ESF1: variants seen among roughly 807,000 people sequenced by gnomAD.
ESF1 encodes the protein ESF1 nucleolar pre-rRNA processing protein.
In ESF1, 58 loss-of-function variants were observed where a neutral mutation model predicts 92.0. The ratio of observed to expected loss-of-function variants is 0.63; its 90% CI spans 0.51 to 0.78. The LOEUF (loss-of-function observed/expected upper bound fraction) is 0.78, where lower values mean the gene tolerates loss of function less well. ESF1 is among the 30% of genes least tolerant of loss of function. The pLI, the probability that ESF1 is intolerant of heterozygous loss-of-function variation, is 0.00. For synonymous variants in ESF1, 321 were observed against 313.7 expected (o/e 1.02, Z -0.24); for missense variants, 922 against 989.1 (o/e 0.93, Z 0.91).
chr20:13,769,181 T>A, intron 7 of ESF1, among the ~76,000 whole-genome samples: 1 of 152,138 alleles, frequency 6.6e-6, no homozygotes, highest in African/African-American at 2.4e-5. Flanking sequence ...TGTATTAGAG[T>A]GTATAGGAGA....
At chr20:13,754,870 AC>A (rs2147756324) in intron 9 of ESF1, among the ~76,000 whole-genome samples, 1 of 152,302 alleles carries the variant, frequency 6.6e-6, no homozygotes, top group East Asian at 1.9e-4. Context: ...GATCTCAGTT[AC>A]TTCTGTCCTC....
chr20:13,747,299 G>A (rs929549427), intron 9 of ESF1, among the ~76,000 whole-genome samples: 1 of 150,554 alleles, frequency 6.6e-6, no homozygotes, highest in African/African-American at 2.4e-5. Context: ...GGTGGCTTAT[G>A]TCTGTAATCC....
chr20:13,778,790 T>C (rs1420630169), intron 2 of ESF1, among the ~76,000 whole-genome samples: 2 of 152,168 alleles, frequency 1.3e-5, no homozygotes, highest in Admixed American at 1.3e-4. Flanking sequence ...CTCACGCCTG[T>C]AATCCCATCA....
rs115378863 is a variant in ESF1, at chr20:13,754,252, C to T, written c.1828+5440G>A. ...TGTATTTTATTGACCCATATTCTCACTGAAATGCCTTCTTTATTGGCAGGC... is the reference window on the plus strand; with the variant it reads ...TGTATTTTATTGACCCATATTCTCATTGAAATGCCTTCTTTATTGGCAGGC... On this transcript the variant is annotated intron_variant, in intron 9 of 13. Transcript: ENST00000617257. Among the ~76,000 whole-genome samples the T allele has an allele frequency of 3.7e-3, 571 of 152,278 alleles. 3 individuals carry two copies. The highest frequency in any genetic ancestry group is 0.013 in the African/African-American group (523 of 41,542).
At chr20:13,758,788 T>C (rs1366295089) in intron 9 of ESF1, among the ~76,000 whole-genome samples, 2 of 152,180 alleles carry the variant, frequency 1.3e-5, no homozygotes, top group Non-Finnish European at 2.9e-5. Flanking sequence ...AAAAACAGTA[T>C]TGACTGCAGA....
In ESF1 at chr20:13,728,281, T is replaced by C. The variant is rs2147727039; in HGVS notation, c.2038+97A>G. ...GTCACTAAGGGAGCTACACAAATAC[T>C]AGCAATTTTAAAAGAATGATTAGTT... is the stretch of plus-strand genomic sequence containing the variant. On this transcript the variant is annotated intron_variant, in intron 11 of 13. Transcript: ENST00000617257. 3 of 884,426 alleles carry C rather than the reference T, an allele frequency of 3.4e-6. 1 individual carries two copies. The South Asian group carries it at 5.3e-5, about 16-fold the overall frequency. The allele number at this position is 884,426 out of a possible 1,614,324, so 54.8% of individuals were successfully genotyped here.
chr20:13,761,531 C>T (rs917053561), intron 8 of ESF1, among the ~76,000 whole-genome samples: 2 of 151,696 alleles, frequency 1.3e-5, no homozygotes, highest in South Asian at 2.1e-4. Context: ...GGGATGAATT[C>T]GGTTTGCAGC....
At chr20:13,767,713 G>A (rs747252646) in intron 7 of ESF1, among the ~76,000 whole-genome samples, 3 of 152,184 alleles carry the variant, frequency 2.0e-5, no homozygotes, top group Non-Finnish European at 2.9e-5. Context: ...TTAGTTGGAA[G>A]TAGTTTAAAC....
At chr20:13,738,593 T>G (rs1395941726) in intron 9 of ESF1, among the ~76,000 whole-genome samples, 2 of 152,140 alleles carry the variant, frequency 1.3e-5, no homozygotes, top group Admixed American at 1.3e-4. Flanking sequence ...GGGATTACGG[T>G]CATGAGCCAC....
In ESF1 at chr20:13,716,093, GCT is replaced by G. The variant is rs1395737145; in HGVS notation, c.2263-928_2263-927del. On this transcript the variant is annotated intron_variant, in intron 13 of 13. Transcript: ENST00000617257. ...GAGTAGCCCCCAAATCCTTCTATAT[GCT>G]ACTTAGAAGCCATCTGTATGCTACC... Among the ~76,000 whole-genome samples, 43 of 152,194 alleles carry G rather than the reference GCT, an allele frequency of 2.8e-4. No individual in the cohort carries two copies. The Middle Eastern group carries it at 0.01, about 36-fold the overall frequency.
intron 10 of ESF1, 139 bp from the exon 11 acceptor site, chr20:13,728,604 C>T (rs1278941704): frequency 2.2e-5 from 15 of 683,190 alleles, no homozygotes; most frequent in Non-Finnish European, 2.9e-5. Context: ...TGGTGGCTCA[C>T]GCCTGTAATC....
At chr20:13,739,863 C>T (rs2147739346) in intron 9 of ESF1, among the ~76,000 whole-genome samples, 1 of 152,134 alleles carries the variant, frequency 6.6e-6, no homozygotes, top group African/African-American at 2.4e-5. Context: ...GAAGCCAGCA[C>T]ACAGAGTTTG....
At chr20:13,769,836 A>G (rs956874195) in intron 7 of ESF1, 71 bp downstream of exon 7, 7 of 969,044 alleles carry the variant, frequency 7.2e-6, no homozygotes, top group East Asian at 2.4e-5. Flanking sequence ...TAAAGATGCT[A>G]TAAGTAATAT....
Position 13,783,090 on chromosome 20 carries a change from T to C in ESF1, c.51A>G (p.Ala17=), listed in dbSNP as rs760187803. The C allele has an allele frequency of 1.9e-6, 3 of 1,613,794 alleles. No homozygotes were observed. Among genetic ancestry groups the C allele is most frequent in the Non-Finnish European group, 2.5e-6 (3 of 1,179,964 alleles). ...GCATTTCCCAAAATCTCGGGTCCTT[T>C]GCAACCCGTCTAAACCGCTGGTCAC... ...IMSDQRFRRV[A]KDPRFWEMPE... Residue 17 remains alanine, a synonymous_variant, in exon 2 of 14, where the codon GCA becomes GCG. Transcript: ENST00000617257.
intron 2 of ESF1, among the ~76,000 whole-genome samples, chr20:13,781,284 T>G (rs1980175332): frequency 6.6e-6 from 1 of 152,224 alleles, no homozygotes; most frequent in South Asian, 2.1e-4. Flanking sequence ...ATAGTATTAG[T>G]ATGAAATGAG....
chr20:13,781,730 C>T (rs1980199460), intron 2 of ESF1, among the ~76,000 whole-genome samples: 1 of 152,154 alleles, frequency 6.6e-6, no homozygotes, highest in Non-Finnish European at 1.5e-5. Flanking sequence ...TATAAGCTAG[C>T]GACAGCCCTG....
intron 9 of ESF1, among the ~76,000 whole-genome samples, chr20:13,747,207 G>A (rs773963832): frequency 1.3e-5 from 2 of 151,568 alleles, no homozygotes; most frequent in Non-Finnish European, 2.9e-5. Flanking sequence ...TTCATTGGCA[G>A]TGTCCTTTAT....
chr20:13,759,540 A>G (rs1174459169), intron 9 of ESF1, 152 bp downstream of exon 9: 8 of 1,010,480 alleles, frequency 7.9e-6, no homozygotes, highest in South Asian at 2.2e-5. Context: ...AGTTGGTAAG[A>G]GTCTAAAATG....
chr20:13,750,398 G>A (rs568698324), intron 9 of ESF1, among the ~76,000 whole-genome samples: 39 of 152,238 alleles, frequency 2.6e-4, no homozygotes, highest in Non-Finnish European at 4.0e-4. Context: ...CCAGCTACTC[G>A]GGAGGCTGAG....
Sources: allele counts gnomAD v4.1 joint callset (sites outside exome capture counted in the v4.1 genomes callset), GRCh38; gene constraint gnomAD v4.1.1; transcripts MANE v1.5; gene names NCBI Gene and HGNC (gene_info 2026-07-23, HGNC 2026-07-21).